XPOT: variants seen among roughly 807,000 people sequenced by gnomAD.
XPOT encodes exportin for tRNA, also known as exportin-T.
Under a neutral mutation model 128.2 loss-of-function variants are expected in XPOT, and 34 were observed. That is an observed-to-expected ratio of 0.27 (90% confidence interval 0.20 to 0.35). The LOEUF is 0.35. Ranked by LOEUF, XPOT falls within the 10% of genes least tolerant of loss-of-function variation. The pLI is 1.00. For synonymous variants in XPOT, 348 were observed against 394.3 expected, an observed-to-expected ratio of 0.88 and a Z score of 1.39; for missense variants, 838 against 1,125.3, an observed-to-expected ratio of 0.74 and a Z score of 3.65.
chr12:64,422,755 AG>A (rs1313669758), intron 9 of XPOT, among the ~76,000 whole-genome samples: 2 of 152,040 alleles, frequency 1.3e-5, no homozygotes, highest in African/African-American at 2.4e-5. Context: ...AAAGAAAACT[AG>A]CCAAGTGTGG....
chr12:64,406,767 T>G (rs1485752611), intron 1 of XPOT, among the ~76,000 whole-genome samples: 1 of 152,202 alleles, frequency 6.6e-6, no homozygotes, highest in Non-Finnish European at 1.5e-5. Flanking sequence ...TCGTTTTTTC[T>G]CTCTGTGGGC....
At chr12:64,419,965 G>C (rs1207533345) in intron 6 of XPOT, 105 bp from the exon 7 acceptor site, 2 of 947,916 alleles carry the variant, frequency 2.1e-6, no homozygotes, top group Admixed American at 3.4e-5. Context: ...ATACTGGTAG[G>C]GAATGTGTTA....
chr12:64,409,576 A>G (rs2040017128), intron 1 of XPOT: 1 of 154,948 alleles, frequency 6.5e-6, no homozygotes, highest in South Asian at 2.0e-4. Context: ...TCTACTAAAA[A>G]TACAAAAAAT....
intron 16 of XPOT, among the ~76,000 whole-genome samples, chr12:64,429,574 C>A (rs1314239195): frequency 1.3e-5 from 2 of 151,978 alleles, no homozygotes; most frequent in African/African-American, 4.8e-5. Context: ...TCCCGCGTAG[C>A]TGGGACTACA....
intron 14 of XPOT, 136 bp downstream of exon 14, chr12:64,425,593 C>A: frequency 8.5e-7 from 1 of 1,178,488 alleles, no homozygotes. Context: ...TGAAAGTAAC[C>A]CCTCCTCCAT....
At chr12:64,415,772 C>T (rs1357966588) in intron 3 of XPOT, among the ~76,000 whole-genome samples, 4 of 152,142 alleles carry the variant, frequency 2.6e-5, no homozygotes, top group Admixed American at 6.6e-5. Flanking sequence ...TGTATACTAA[C>T]TAGCATTCAC....
At position 64,430,299 on chromosome 12, in the gene XPOT, C is replaced by A; in HGVS notation, c.1976+12C>A. 1 of 1,541,524 alleles carries A rather than the reference C, an allele frequency of 6.5e-7. No homozygotes were observed. Among genetic ancestry groups the A allele is most frequent in the South Asian group, 1.3e-5 (1 of 77,498 alleles). Reference sequence around the variant, plus strand: ...GTTGGATTTGCAAGGTAAGTGTGATCACAGTTAAAATTATAAAGTGCATGT... The same window carrying A: ...GTTGGATTTGCAAGGTAAGTGTGATAACAGTTAAAATTATAAAGTGCATGT... On this transcript the variant is annotated intron_variant, in intron 17 of 24. Coordinates refer to ENST00000332707, the MANE Select transcript of XPOT (RefSeq NM_007235.6).
chr12:64,425,235 T>G, intron 13 of XPOT, 53 bp downstream of exon 13: 1 of 1,610,324 alleles, frequency 6.2e-7, no homozygotes, highest in Non-Finnish European at 8.5e-7. Flanking sequence ...CAGTATAAGC[T>G]AATGGGAGTT....
chr12:64,424,714 C>T lies in XPOT; in HGVS notation c.1298C>T (p.Ser433Phe). 1.9e-6 allele frequency: 3 copies of T among 1,613,780 alleles called. No homozygotes were observed. Among genetic ancestry groups the T allele is most frequent in the Non-Finnish European group, 2.5e-6 (3 of 1,179,956 alleles). The change falls in exon 12 of 25, where the codon TCT becomes TTT. Residue 433 changes from serine (S) to phenylalanine (F), a missense_variant. By Grantham distance (155) the Ser-to-Phe change is radical. This residue lies in a region of XPOT where 761 missense variants were observed against 988.3 expected (regional missense o/e 0.77). Coordinates refer to ENST00000332707, the MANE Select transcript of XPOT (RefSeq NM_007235.6). ...LLASVRRVFS[S>F]TLQNWQTTRF... ...GCCTCTGTTCGCAGAGTTTTTAGTT[C>T]TACACTGCAGTAAGTTTGTCATTAC... is the stretch of plus-strand genomic sequence containing the variant.
Position 64,404,451 on chromosome 12 carries a change from G to A in XPOT, c.-428G>A. On this transcript the variant is annotated 5_prime_UTR_variant, in exon 1 of 25. Transcript: ENST00000332707. ...CGCGCGGCACCGACGCGGGGAGCGC[G>A]CTTCGCGCTGACTCAGCGGCGGCGG... 1 of 156,122 alleles carries A rather than the reference G, an allele frequency of 6.4e-6. No individual in the cohort carries two copies. Among genetic ancestry groups the A allele is most frequent in the Non-Finnish European group, 1.4e-5 (1 of 71,516 alleles). 9.7% of individuals were successfully genotyped at this position (156,122 alleles called of 1,614,324 possible).
At position 64,420,473 on chromosome 12, in the gene XPOT, A is replaced by T; in HGVS notation, c.795A>T (p.Glu265Asp). 2 of 1,613,824 alleles carry T rather than the reference A, an allele frequency of 1.2e-6. No homozygotes were observed. Among genetic ancestry groups the T allele is most frequent in the Middle Eastern group, 1.7e-4 (1 of 6,056 alleles). ...CTGTTGATAAAATGAAACTAGTGGA[A>T]TCTTTGTGTCAAGTATTACAGTCTG... ...MDPVDKMKLV[E>D]SLCQVLQSAG... Residue 265 changes from glutamate to aspartate, a missense_variant, in exon 8 of 25, where the codon GAA becomes GAT. Physicochemically the swap from Glu to Asp is conservative, Grantham distance 45 (BLOSUM62 2). This residue lies in a region of XPOT where 761 missense variants were observed against 988.3 expected (regional missense o/e 0.77). Coordinates refer to ENST00000332707, the MANE Select transcript of XPOT (RefSeq NM_007235.6).
chr12:64,443,941 T>C (rs528990553), intron 23 of XPOT, among the ~76,000 whole-genome samples: 3 of 152,354 alleles, frequency 2.0e-5, no homozygotes, highest in Admixed American at 1.3e-4. Context: ...ACTCATATTT[T>C]AATGAAAATA....
rs561334915 is a variant in XPOT, at chr12:64,421,215, T to G, written c.844-20T>G. The G allele has an allele frequency of 2.5e-6, 4 of 1,578,094 alleles. No individual in the cohort carries two copies. The South Asian group carries it at 3.3e-5, about 13-fold the overall frequency. On this transcript the variant is annotated intron_variant, in intron 8 of 24. Transcript: ENST00000332707. ...TTGGGCAGGCAGTTTTAAACAGAGA[T>G]GTGTCTTGATTGCTTATAGGAAGAA...
rs772226395 is a variant in XPOT, at chr12:64,418,990, C to G, written c.385C>G (p.Leu129Val). Reference sequence around the variant, plus strand: ...GTGGCCCAAGTTTTTTTTTGACATTCTCTCAGTAGTGGACCTAAATCCAAG... The same window carrying G: ...GTGGCCCAAGTTTTTTTTTGACATTGTCTCAGTAGTGGACCTAAATCCAAG... ...TKWPKFFFDI[L>V]SVVDLNPRGV... is the part of the protein sequence containing the mutation. Residue 129 changes from leucine to valine, a missense_variant, in exon 6 of 25, where the codon CTC (leucine) becomes GTC (valine). Transcript: ENST00000332707. The G allele has an allele frequency of 3.7e-6, 6 of 1,613,948 alleles. No homozygotes were observed. The highest frequency in any genetic ancestry group is 5.1e-6 in the Non-Finnish European group (6 of 1,180,014).
rs1366395830 is a variant in XPOT at position 64,434,830 on chromosome 12, T to C, written c.2606T>C (p.Val869Ala). The C allele has an allele frequency of 6.2e-7, 1 of 1,612,058 alleles. No individual in the cohort carries two copies. The highest frequency in any genetic ancestry group is 8.5e-7 in the Non-Finnish European group (1 of 1,179,990). Residue 869 changes from valine to alanine, a missense_variant, in exon 21 of 25, where the codon GTT becomes GCT. Val to Ala is a moderately conservative substitution (Grantham distance 64). Around this residue, in one of 3 missense-constraint regions of XPOT, gnomAD observed 21 missense variants for 57.8 expected, o/e 0.36. Transcript: ENST00000332707. ...GGACCAGTGGGATTTGCTGATTTTG[T>C]TTATAAGCACATTGTCCCCGCATGT... ...KDGPVGFADF[V>A]YKHIVPACFL...
rs1275475947 is a variant in XPOT, at chr12:64,406,285, A to G, written c.-75+1481A>G. On this transcript the variant is annotated intron_variant, in intron 1 of 24. Transcript: ENST00000332707. ...GAGACGGCGTTTCACCGTGTTGGTC[A>G]GGCTGGTCTCGAACTCCTGACCTCG... 3.3e-5 allele frequency among the ~76,000 whole-genome samples: 5 copies of G among 151,880 alleles called. No homozygotes were observed. The East Asian group carries it at 9.8e-4, about 30-fold the overall frequency.
chr12:64,437,593 T>TA (rs2040293321), intron 22 of XPOT, among the ~76,000 whole-genome samples: 1 of 152,140 alleles, frequency 6.6e-6, no homozygotes, highest in African/African-American at 2.4e-5. Flanking sequence ...TGAGACTAGA[T>TA]AAAAGCCTTG....
chr12:64,406,059 G>A (rs887994936), intron 1 of XPOT, among the ~76,000 whole-genome samples: 2 of 152,074 alleles, frequency 1.3e-5, no homozygotes, highest in Non-Finnish European at 1.5e-5. Flanking sequence ...GCTTCAGAGT[G>A]ACTTGACCAA....
At chr12:64,440,066 A>T (rs915125109) in intron 23 of XPOT, among the ~76,000 whole-genome samples, 5 of 152,210 alleles carry the variant, frequency 3.3e-5, no homozygotes, top group African/African-American at 1.2e-4. Flanking sequence ...ATATAGGTGG[A>T]TCTCCAGAAC....
Sources: allele counts gnomAD v4.1 joint callset (sites outside exome capture counted in the v4.1 genomes callset), GRCh38; gene constraint gnomAD v4.1.1; regional missense constraint gnomAD v4.1.1; transcripts MANE v1.5; gene names NCBI Gene and HGNC (gene_info 2026-07-23, HGNC 2026-07-21).